The following PDZD2 variants were observed in gnomAD, a reference collection of about 807,000 sequenced individuals.
The protein encoded by PDZD2 is PDZ domain containing 2, also known as PDZ domain-containing protein 2.
In PDZD2, 90 loss-of-function variants were observed where a neutral mutation model predicts 220.7. The ratio of observed to expected loss-of-function variants is 0.41; its 90% confidence interval spans 0.34 to 0.49. The LOEUF (loss-of-function observed/expected upper bound fraction) is 0.49. Among genes scored for constraint, PDZD2 ranks in the 20% least tolerant of loss-of-function variants. The pLI is 0.28. For synonymous variants in PDZD2, 1,375 were observed against 1,450.5 expected, an observed-to-expected ratio of 0.95 and a Z score of 1.18; for missense variants, 3,174 against 3,608.5, an observed-to-expected ratio of 0.88 and a Z score of 3.08.
At position 32,090,363 on chromosome 5, in the gene PDZD2, C is replaced by A; in HGVS notation, c.6915C>A (p.Ser2305Arg). The change falls in exon 20 of 25, where the codon AGC becomes AGA. Residue 2305 changes from serine (S) to arginine (R), a missense_variant. Ser to Arg is a moderately radical substitution (Grantham distance 110, BLOSUM62 -1). This residue lies in a region of PDZD2 where 631 missense variants were observed against 789.9 expected (regional missense o/e 0.80). Coordinates refer to ENST00000438447, the MANE Select transcript of PDZD2 (RefSeq NM_178140.4). The surrounding 1 kb of genome is among the most constrained non-coding windows in gnomAD (Gnocchi z 4.3). ...EGDIISVQET[S>R]CLVTDKIKVT... is the part of the protein sequence containing the mutation. ...ATATCATTTCAGTCCAGGAGACGAG[C>A]TGCCTAGTCACAGACAAAATCAAAG... The A allele has an allele frequency of 6.2e-7, 1 of 1,614,148 alleles. No individual in the cohort carries two copies. Among genetic ancestry groups the A allele is most frequent in the Non-Finnish European group, 8.5e-7 (1 of 1,179,964 alleles).
At chr5:32,018,475 A>G (rs1424074181) in intron 6 of PDZD2, among the ~76,000 whole-genome samples, 1 of 152,216 alleles carries the variant, frequency 6.6e-6, no homozygotes, top group Non-Finnish European at 1.5e-5. Context: ...ACTTAGAAGC[A>G]CAGATCCCCC....
intron 14 of PDZD2, among the ~76,000 whole-genome samples, chr5:32,062,791 TCTC>T (rs1204845320): frequency 6.6e-6 from 1 of 152,138 alleles, no homozygotes; most frequent in African/African-American, 2.4e-5. Context: ...GTATTGAAAT[TCTC>T]CTGACCATGA....
At chr5:31,958,701 G>T (rs1747949937) in intron 2 of PDZD2, among the ~76,000 whole-genome samples, 1 of 150,688 alleles carries the variant, frequency 6.6e-6, no homozygotes, top group South Asian at 2.1e-4. Flanking sequence ...GCTCACTGCA[G>T]CCTCGACCTC....
chr5:31,954,945 C>A (rs1747528153), intron 2 of PDZD2, among the ~76,000 whole-genome samples: 1 of 151,916 alleles, frequency 6.6e-6, no homozygotes, highest in Admixed American at 6.6e-5. Context: ...TCAAAAAAAA[C>A]AACCACTAGG....
intron 24 of PDZD2, chr5:32,106,459 A>G (rs1474867769): frequency 1.3e-5 from 2 of 152,284 alleles, no homozygotes; most frequent in Admixed American, 6.5e-5. Flanking sequence ...CCCCTGTCCT[A>G]GAAGACTTTC....
intron 2 of PDZD2, among the ~76,000 whole-genome samples, chr5:31,930,648 G>T (rs564163359): frequency 8.5e-5 from 13 of 152,316 alleles, no homozygotes; most frequent in Admixed American, 7.2e-4. Context: ...ATTTGCCACT[G>T]GATACCTCTG....
intron 2 of PDZD2, chr5:31,854,894 C>A (rs1205051869): frequency 2.2e-5 from 18 of 826,990 alleles, no homozygotes; most frequent in Non-Finnish European, 2.6e-5. Context: ...CTAACCTCCT[C>A]CACCGCGGCG....
intron 2 of PDZD2, among the ~76,000 whole-genome samples, chr5:31,904,927 T>G (rs559068869): frequency 2.2e-4 from 33 of 151,980 alleles, no homozygotes; most frequent in African/African-American, 7.7e-4. Context: ...TGCAAGTGAG[T>G]CTACTTTTAC....
chr5:31,710,989 A>G (rs764469685), intron 1 of PDZD2, among the ~76,000 whole-genome samples: 12 of 152,196 alleles, frequency 7.9e-5, no homozygotes, highest in Non-Finnish European at 1.5e-4. Flanking sequence ...CACACAAAAA[A>G]GTATATGTTG....
At chr5:32,009,258 G>A (rs1009560586) in intron 5 of PDZD2, among the ~76,000 whole-genome samples, 7 of 151,974 alleles carry the variant, frequency 4.6e-5, no homozygotes, top group African/African-American at 1.2e-4. Context: ...TGGGAGAATC[G>A]CTTGAACTGG....
chr5:31,651,306 A>G (rs1272566006), intron 1 of PDZD2, among the ~76,000 whole-genome samples: 4 of 152,196 alleles, frequency 2.6e-5, no homozygotes, highest in African/African-American at 9.7e-5. Context: ...CATTTGATGT[A>G]TCATGCACTT....
intron 1 of PDZD2, among the ~76,000 whole-genome samples, chr5:31,664,619 C>T (rs553116538): frequency 6.6e-6 from 1 of 152,348 alleles, no homozygotes; most frequent in Admixed American, 6.5e-5. Context: ...CAGAGACCAT[C>T]CTAGGAACAA....
At position 31,812,670 on chromosome 5, in the gene PDZD2, T is replaced by A. The variant is rs556884101; in HGVS notation, c.476+12946T>A. Among the ~76,000 whole-genome samples, 133 of 152,250 alleles carry A rather than the reference T, an allele frequency of 8.7e-4. 4 individuals carry two copies. The South Asian group carries it at 0.026, about 30-fold the overall frequency. On this transcript the variant is annotated intron_variant, in intron 2 of 24. Transcript: ENST00000438447. ...ATGTAGGCTCACCTGATGAAGTGGGTTTATGGATTAAATTATTTTGTTTTA... is the reference window on the plus strand; with the variant it reads ...ATGTAGGCTCACCTGATGAAGTGGGATTATGGATTAAATTATTTTGTTTTA...
At chr5:32,060,940 G>C (rs1581399762) in intron 13 of PDZD2, 62 bp from the exon 14 acceptor site, 1 of 1,537,696 alleles carries the variant, frequency 6.5e-7, no homozygotes, top group East Asian at 2.2e-5. Context: ...TAGCAAGAAG[G>C]CTATTTTAGC....
chr5:31,668,149 C>T (rs1012763294), intron 1 of PDZD2, among the ~76,000 whole-genome samples: 2 of 152,166 alleles, frequency 1.3e-5, no homozygotes. Context: ...GCGTGGGCCG[C>T]TGCACTTGGC....
intron 3 of PDZD2, among the ~76,000 whole-genome samples, chr5:31,994,454 T>C (rs978061435): frequency 6.6e-6 from 1 of 152,276 alleles, no homozygotes; most frequent in Admixed American, 6.5e-5. Flanking sequence ...AAACGTCTCA[T>C]TTATATGTTT....
intron 2 of PDZD2, among the ~76,000 whole-genome samples, chr5:31,919,705 A>G (rs1744026683): frequency 3.7e-5 from 1 of 26,692 alleles, no homozygotes; most frequent in Admixed American, 4.1e-4. Context: ...AAAATTGATA[A>G]AGAAAAAAAA....
intron 14 of PDZD2, among the ~76,000 whole-genome samples, chr5:32,063,336 A>G (rs1739873009): frequency 3.3e-5 from 5 of 152,156 alleles, no homozygotes; most frequent in Admixed American, 2.0e-4. Flanking sequence ...GCCCGGTCTG[A>G]GAATGATTTA....
At chr5:32,075,726 C>G (rs1581431823) in intron 18 of PDZD2, among the ~76,000 whole-genome samples, 1 of 152,168 alleles carries the variant, frequency 6.6e-6, no homozygotes, top group African/African-American at 2.4e-5. Context: ...CTCTCTCTCT[C>G]TCGCTGAACA....
Sources: allele counts gnomAD v4.1 joint callset (sites outside exome capture counted in the v4.1 genomes callset), GRCh38; gene constraint gnomAD v4.1.1; regional missense constraint gnomAD v4.1.1; non-coding constraint Gnocchi (gnomAD v3.1); transcripts MANE v1.5; gene names NCBI Gene and HGNC (gene_info 2026-07-23, HGNC 2026-07-21).